Variants in NHSL2 observed in about 807,000 individuals in gnomAD.
NHSL2 encodes the protein NHS-like protein 2.
Under a neutral mutation model 53.4 loss-of-function variants are expected in NHSL2, and 27 were observed. The ratio of observed to expected loss-of-function variants is 0.51; its 90% confidence interval spans 0.37 to 0.70. NHSL2 has a LOEUF of 0.70. NHSL2 is among the 30% of genes least tolerant of loss of function. The pLI, the probability that NHSL2 is intolerant of heterozygous loss-of-function variation, is 0.00. For synonymous variants in NHSL2, 408 were observed against 404.1 expected (o/e 1.01, Z -0.12); for missense variants, 892 against 980.1 (o/e 0.91, Z 1.20).
intron 1 of NHSL2, among the ~76,000 whole-genome samples, chrX:72,099,085 C>T (rs1034380058): frequency 4.5e-5 from 5 of 111,246 alleles, no homozygotes; most frequent in Non-Finnish European, 7.6e-5. Context: ...TGTAGATGCA[C>T]CATGATGTGT....
At chrX:72,131,980 G>T (rs2042308297) in intron 1 of NHSL2, 99 bp from the exon 2 acceptor site, 2 of 843,753 alleles carry the variant, frequency 2.4e-6, no homozygotes, top group Non-Finnish European at 3.4e-6. Flanking sequence ...CCCACCCCAC[G>T]CAGGGGCGGG....
chrX:72,140,954 G>A (rs1197817202), intron 6 of NHSL2, 183 bp downstream of exon 6: 1 of 403,715 alleles, frequency 2.5e-6, no homozygotes, highest in Admixed American at 4.9e-5. Context: ...CTGCCCTTGA[G>A]ATCAAGACTA....
rs143124404 is a variant in NHSL2, at chrX:71,970,462, C to T, written c.280+59095C>T. On this transcript the variant is annotated intron_variant, in intron 1 of 7. Transcript: ENST00000633930. ...TTCTTCTTGGGTCAGTTGCTAGAAG[C>T]TGTTCTTTCTAGGAATTTGTCTATT... Among the ~76,000 whole-genome samples, 695 of 111,823 alleles carry T rather than the reference C, an allele frequency of 6.2e-3. 5 individuals are homozygous for T. Among genetic ancestry groups the T allele is most frequent in the African/African-American group, 0.021 (644 of 30,904 alleles).
chrX:72,016,443 C>T (rs1184240307), intron 1 of NHSL2, among the ~76,000 whole-genome samples: 1 of 112,193 alleles, frequency 8.9e-6, no homozygotes, highest in African/African-American at 3.2e-5. Context: ...TTTGGCTCTT[C>T]TTATACATAT....
chrX:72,116,312 A>G (rs2042138453), intron 1 of NHSL2, among the ~76,000 whole-genome samples: 1 of 112,129 alleles, frequency 8.9e-6, no homozygotes, highest in African/African-American at 3.3e-5. Context: ...CAGTAATTCT[A>G]ACTGGATCAT....
intron 1 of NHSL2, among the ~76,000 whole-genome samples, chrX:71,931,876 T>C (rs759352813): frequency 6.2e-4 from 70 of 113,005 alleles, no homozygotes; most frequent in African/African-American, 2.2e-3. Flanking sequence ...TTCTGGGACC[T>C]TTGAATTTCC....
intron 1 of NHSL2, among the ~76,000 whole-genome samples, chrX:71,988,312 C>T (rs1299021456): frequency 9.0e-6 from 1 of 111,609 alleles, no homozygotes; most frequent in East Asian, 2.8e-4. Context: ...GAGGAAAAAG[C>T]TCCCCATGTC....
Position 72,138,610 on chromosome X carries a change from A to G in NHSL2, c.1062A>G (p.Glu354=), listed in dbSNP as rs1268392832. 8.6e-7 allele frequency: 1 copy of G among 1,167,689 alleles called. No homozygotes were observed. Among genetic ancestry groups the G allele is most frequent in the Admixed American group, 2.6e-5 (1 of 38,830 alleles). ...GAACTCCTTCCAGTGAGCCGGACGA[A>G]CCTCACCAGGCACGGAGTGGCCCAA... ...VLRTPSSEPD[E]PHQARSGPNP... The change falls in exon 6 of 8, where the codon GAA becomes GAG. Residue 354 remains glutamate (E), a synonymous_variant. Transcript: ENST00000633930.
At chrX:71,997,429 C>T (rs953803345) in intron 1 of NHSL2, among the ~76,000 whole-genome samples, 1 of 112,530 alleles carries the variant, frequency 8.9e-6, no homozygotes, top group Non-Finnish European at 1.9e-5. Flanking sequence ...AGGACCACTG[C>T]CCTCCACACG....
intron 1 of NHSL2, among the ~76,000 whole-genome samples, chrX:71,968,764 A>G (rs978929929): frequency 8.9e-6 from 1 of 112,122 alleles, no homozygotes; most frequent in Admixed American, 9.5e-5. Flanking sequence ...AGTTGTTCAG[A>G]ATTATTTGTT....
chrX:71,965,582 G>T (rs976223656), intron 1 of NHSL2, among the ~76,000 whole-genome samples: 1 of 111,852 alleles, frequency 8.9e-6, no homozygotes, highest in Admixed American at 9.5e-5. Flanking sequence ...TATTGAGGCG[G>T]TTATTCCATG....
intron 1 of NHSL2, 107 bp from the exon 2 acceptor site, chrX:72,131,972 C>G: frequency 2.6e-6 from 2 of 779,280 alleles, no homozygotes; most frequent in African/African-American, 2.1e-5. Flanking sequence ...GCACTCCCCC[C>G]ACCCCACGCA....
At chrX:71,950,117 C>T (rs1304360057) in intron 1 of NHSL2, among the ~76,000 whole-genome samples, 1 of 113,410 alleles carries the variant, frequency 8.8e-6, no homozygotes, top group Non-Finnish European at 1.9e-5. Context: ...CAGACCTCTG[C>T]TCCATCCATC....
At chrX:72,109,714 G>A (rs763406391) in intron 1 of NHSL2, among the ~76,000 whole-genome samples, 10 of 111,210 alleles carry the variant, frequency 9.0e-5, no homozygotes, top group Middle Eastern at 9.1e-3. Context: ...TGATCCGCCC[G>A]CCTCAGCCTC....
chrX:72,104,244 G>A (rs1031460571), intron 1 of NHSL2, among the ~76,000 whole-genome samples: 2 of 112,023 alleles, frequency 1.8e-5, no homozygotes, highest in Non-Finnish European at 3.8e-5. Context: ...CACTGGACCC[G>A]CCACTAGCTC....
intron 1 of NHSL2, among the ~76,000 whole-genome samples, chrX:71,958,211 G>C (rs2041852008): frequency 9.0e-6 from 1 of 110,843 alleles, no homozygotes; most frequent in Admixed American, 9.6e-5. Context: ...TAGTCCTAGA[G>C]CCTCACTATA....
At chrX:72,023,585 G>A (rs1214542879) in intron 1 of NHSL2, among the ~76,000 whole-genome samples, 1 of 111,996 alleles carries the variant, frequency 8.9e-6, no homozygotes, top group African/African-American at 3.3e-5. Context: ...CCTGAGTTTT[G>A]GTTTCAGCTC....
At chrX:72,093,473 C>T (rs772392570) in intron 1 of NHSL2, among the ~76,000 whole-genome samples, 1 of 112,427 alleles carries the variant, frequency 8.9e-6, no homozygotes, top group Non-Finnish European at 1.9e-5. Flanking sequence ...AATACCTGGC[C>T]TTGTGCTGTG....
At chrX:71,913,789 C>T (rs1441181331) in intron 1 of NHSL2, among the ~76,000 whole-genome samples, 2 of 103,984 alleles carry the variant, frequency 1.9e-5, no homozygotes, top group Non-Finnish European at 3.9e-5. Context: ...GTCAGACTGG[C>T]CTATAGCCTG....
Sources: gnomAD v4.1 joint callset for allele counts (sites outside exome capture counted in the v4.1 genomes callset) on GRCh38, gnomAD v4.1.1 for gene constraint, MANE v1.5 for transcripts, NCBI Gene and HGNC (gene_info 2026-07-23, HGNC 2026-07-21) for gene names.